Variants in RPL11 observed in about 807,000 individuals in gnomAD.
RPL11 encodes the protein large ribosomal subunit protein uL5.
A neutral mutation model predicts 24.1 loss-of-function variants in RPL11; 3 were observed. That is an observed-to-expected ratio of 0.12 (90% CI 0.06 to 0.32). The LOEUF is 0.32. RPL11 is among the 10% of genes least tolerant of loss of function. RPL11 has a pLI of 1.00. For synonymous variants in RPL11, 96 were observed against 75.7 expected (o/e 1.27, Z -1.39); for missense variants, 146 against 225.7 (o/e 0.65, Z 2.26).
chr1:23,695,719 C>T (rs1644529213), intron 4 of RPL11, 79 bp from the exon 5 acceptor site: 1 of 1,296,886 alleles, frequency 7.7e-7, no homozygotes, highest in East Asian at 2.5e-5. Flanking sequence ...CTTTGAAGAT[C>T]TGTCTGTAAT....
At chr1:23,691,958 G>T in intron 1 of RPL11, 129 bp downstream of exon 1, 1 of 1,243,112 alleles carries the variant, frequency 8.0e-7, no homozygotes. Context: ...CCCAAAACTA[G>T]CAGAGCCGTT....
rs1644507749 is a variant in RPL11, at chr1:23,692,595, C to G, written c.7-14C>G. ...AGCTGTGAGTGTATTGACTGCTGCTCTTCCCTGTTGCAGCAGGATCAAGGT... is the reference window on the plus strand; with the variant it reads ...AGCTGTGAGTGTATTGACTGCTGCTGTTCCCTGTTGCAGCAGGATCAAGGT... On this transcript the variant is annotated splice_polypyrimidine_tract_variant and intron_variant, in intron 1 of 5. Coordinates refer to ENST00000643754, the MANE Select transcript of RPL11 (RefSeq NM_000975.5). The G allele has an allele frequency of 6.2e-7, 1 of 1,614,018 alleles. No individual in the cohort carries two copies. Among genetic ancestry groups the G allele is most frequent in the African/African-American group, 1.3e-5 (1 of 75,024 alleles).
rs4649111 is a variant in RPL11, at chr1:23,696,642, G to T, written c.*269G>T. 7.8e-5 allele frequency: 43 copies of T among 551,204 alleles called. No individual in the cohort carries two copies. The African/African-American group carries it at 8.0e-4, about 10-fold the overall frequency. 34.1% of individuals were successfully genotyped at this position (551,204 alleles called of 1,614,324 possible). A position where few individuals can be genotyped will look rare whatever the true frequency, so the allele number is the denominator to read the frequency against. On this transcript the variant is annotated 3_prime_UTR_variant, in exon 6 of 6. Transcript: ENST00000643754. The stretch of plus-strand genomic sequence containing the variant: ...CTGTGGTGCAGTAGCCCCATTTGGA[G>T]GGGAGGGTTTGGTTGATGTTGGGGT...
Position 23,692,587 on chromosome 1 carries a change from C to T in RPL11, c.7-22C>T, listed in dbSNP as rs202064548. On this transcript the variant is annotated intron_variant, in intron 1 of 5. Coordinates refer to ENST00000643754, the MANE Select transcript of RPL11 (RefSeq NM_000975.5). The stretch of plus-strand genomic sequence containing the variant: ...GGGCCCTCAGCTGTGAGTGTATTGA[C>T]TGCTGCTCTTCCCTGTTGCAGCAGG... The T allele has an allele frequency of 1.9e-6, 3 of 1,614,074 alleles. 1 individual carries two copies. The highest frequency in any genetic ancestry group is 2.2e-5 in the East Asian group (1 of 44,886).
chr1:23,691,884 G>T, intron 1 of RPL11, 55 bp downstream of exon 1: 1 of 1,613,468 alleles, frequency 6.2e-7, no homozygotes, highest in East Asian at 2.2e-5. Context: ...TCCATGGCAG[G>T]CCGAGCCTGC....
chr1:23,694,507 A>G (rs1273853937), intron 3 of RPL11, among the ~76,000 whole-genome samples, 153 bp from the exon 4 acceptor site: 1 of 152,108 alleles, frequency 6.6e-6, no homozygotes, highest in African/African-American at 2.4e-5. Flanking sequence ...TAGTCGAGGT[A>G]TAGTGAGGAA....
At chr1:23,693,068 C>G (rs1013343944) in intron 2 of RPL11, among the ~76,000 whole-genome samples, 3 of 152,116 alleles carry the variant, frequency 2.0e-5, no homozygotes, top group African/African-American at 7.2e-5. Flanking sequence ...ATCTGATTAG[C>G]AGTTAGGGTT....
At chr1:23,692,900 C>CTTT (rs549467222) in intron 2 of RPL11, 141 bp downstream of exon 2, 54 of 644,824 alleles carry the variant, frequency 8.4e-5, no homozygotes, top group African/African-American at 2.0e-4. Flanking sequence ...CAAGAGGTGT[C>CTTT]TTTTTTTTTT....
In RPL11 at chr1:23,692,799, G is replaced by T. The variant is rs767757752; in HGVS notation, c.157+40G>T. 9.9e-6 allele frequency: 16 copies of T among 1,611,526 alleles called. No homozygotes were observed. The Admixed American group carries it at 1.2e-4, about 12-fold the overall frequency. The stretch of plus-strand genomic sequence containing the variant: ...GGACATACAGGGTTTGCCTGCTTGG[G>T]TCGCTTGGTTGTTTCTTGATTTACC... On this transcript the variant is annotated intron_variant, in intron 2 of 5. Transcript: ENST00000643754.
intron 4 of RPL11, 196 bp from the exon 5 acceptor site, chr1:23,695,602 A>G (rs547057611): frequency 3.2e-6 from 2 of 629,200 alleles, no homozygotes; most frequent in African/African-American, 3.6e-5. Context: ...TCCAGCCTCC[A>G]AAGCAAACTT....
rs2124431138 is a variant in RPL11, at chr1:23,694,770, C to T, written c.375C>T (p.Ile125=). 5 of 1,614,206 alleles carry T rather than the reference C, an allele frequency of 3.1e-6. No individual in the cohort carries two copies. The highest frequency in any genetic ancestry group is 1.3e-5 in the African/African-American group (1 of 75,056). The stretch of plus-strand genomic sequence containing the variant: ...TCAAATATGACCCAAGCATTGGTAT[C>T]TACGGCCTGGACTTCTATGTGGTAT... The part of the protein sequence containing the change: ...LGIKYDPSIG[I]YGLDFYVVLG... Residue 125 remains isoleucine, a synonymous_variant, in exon 4 of 6, where the codon ATC becomes ATT. Transcript: ENST00000643754.
chr1:23,695,794 A>G lies in RPL11; in HGVS notation c.397-4A>G, dbSNP rs371228733. The G allele has an allele frequency of 3.3e-4, 519 of 1,581,026 alleles. 1 individual carries two copies. The highest frequency in any genetic ancestry group is 4.2e-4 in the Non-Finnish European group (489 of 1,163,636). On this transcript the variant is annotated splice_polypyrimidine_tract_variant and splice_region_variant and intron_variant, in intron 4 of 5. Transcript: ENST00000643754. Reference sequence around the variant, plus strand: ...TAGGTGACTGTTGGTTATTCCTGGGACAGGTGCTGGGTAGGCCAGGTTTCA... The same window carrying G: ...TAGGTGACTGTTGGTTATTCCTGGGGCAGGTGCTGGGTAGGCCAGGTTTCA...
chr1:23,694,613 G>A (rs1644521953), intron 3 of RPL11, 47 bp from the exon 4 acceptor site: 1 of 1,612,096 alleles, frequency 6.2e-7, no homozygotes, highest in South Asian at 1.1e-5. Flanking sequence ...GGGGTGGGAG[G>A]GAGTTGAAGA....
At chr1:23,691,858 C>T (rs949127568) in intron 1 of RPL11, 29 bp downstream of exon 1, 33 of 1,614,106 alleles carry the variant, frequency 2.0e-5, no homozygotes, top group Non-Finnish European at 2.6e-5. Flanking sequence ...GATTTGCTTT[C>T]CTTTATCCGT....
intron 1 of RPL11, 24 bp downstream of exon 1, chr1:23,691,853 G>C: frequency 6.2e-7 from 1 of 1,614,224 alleles, no homozygotes; most frequent in Non-Finnish European, 8.5e-7. Flanking sequence ...ACCTGGATTT[G>C]CTTTCCTTTA....
At chr1:23,692,329 T>G (rs1644505690) in intron 1 of RPL11, 1 of 459,606 alleles carries the variant, frequency 2.2e-6, no homozygotes, top group Non-Finnish European at 4.0e-6. Flanking sequence ...GGGCGCTCTT[T>G]GTTACCCTGA....
At chr1:23,696,033 C>T (rs747513965) in intron 5 of RPL11, 125 bp downstream of exon 5, 210 of 989,746 alleles carry the variant, frequency 2.1e-4, no homozygotes, top group Middle Eastern at 4.1e-4. Context: ...TATTGGGCAT[C>T]TTGACAAATC....
chr1:23,695,538 G>A (rs1237445897), intron 4 of RPL11: 3 of 523,330 alleles, frequency 5.7e-6, no homozygotes, highest in Non-Finnish European at 1.0e-5. Context: ...GAGCAGTAAT[G>A]GAGGATCCTC....
At chr1:23,694,281 G>A (rs1644519988) in intron 3 of RPL11, among the ~76,000 whole-genome samples, 1 of 152,018 alleles carries the variant, frequency 6.6e-6, no homozygotes, top group Non-Finnish European at 1.5e-5. Context: ...GGGAAGCTGA[G>A]GCACGACAAT....
Sources: allele counts gnomAD v4.1 joint callset (sites outside exome capture counted in the v4.1 genomes callset), GRCh38; gene constraint gnomAD v4.1.1; transcripts MANE v1.5; gene names NCBI Gene and HGNC (gene_info 2026-07-23, HGNC 2026-07-21).